TMPRSS13: variants seen among roughly 807,000 people sequenced by gnomAD.
The protein encoded by TMPRSS13 is transmembrane serine protease 13.
TMPRSS13 carries 50 observed loss-of-function variants against 68.4 expected under a neutral mutation model. The observed-to-expected ratio is 0.73, with a 90% CI of 0.58 to 0.93. The LOEUF (loss-of-function observed/expected upper bound fraction) is 0.93, where lower values mean the gene tolerates loss of function less well. Ranked by LOEUF, TMPRSS13 falls within the 40% of genes least tolerant of loss-of-function variation. The pLI is 0.00. For missense variants in TMPRSS13, 615 were observed against 729.2 expected (o/e 0.84, Z 1.80); for synonymous variants, 267 against 285.8 (o/e 0.93, Z 0.66).
At chr11:117,928,159 G>C (rs1489777932) in intron 1 of TMPRSS13, among the ~76,000 whole-genome samples, 2 of 152,210 alleles carry the variant, frequency 1.3e-5, no homozygotes, top group Non-Finnish European at 2.9e-5. Context: ...CTGTGACTAA[G>C]GGTTCACCTT....
chr11:117,905,520 A>G lies in TMPRSS13; in HGVS notation c.1381+118T>C, dbSNP rs190537678. ...CCCAGGCCCATGAATCCGTATACCC[A>G]AACGCTCATCGACATAGGCCTTCAT... On this transcript the variant is annotated intron_variant, in intron 10 of 12. Coordinates refer to ENST00000524993, the MANE Select transcript of TMPRSS13 (RefSeq NM_001077263.3). 67 of 802,380 alleles carry G rather than the reference A, an allele frequency of 8.4e-5. No homozygotes were observed. The East Asian group carries it at 2.1e-3, about 26-fold the overall frequency. The allele number at this position is 802,380 out of a possible 1,614,324, so 49.7% of individuals were successfully genotyped here. A position where few individuals can be genotyped will look rare whatever the true frequency, so the allele number is the denominator to read the frequency against.
In TMPRSS13 at chr11:117,917,967, G is replaced by A. The variant is rs577088202; in HGVS notation, c.451+442C>T. On this transcript the variant is annotated intron_variant, in intron 2 of 12. Transcript: ENST00000524993. ...AATTTGGAAGGCTGGGGATGGACTT[G>A]CACACCTGGTCAGAATCTCTCCTTT... 1.0e-3 allele frequency among the ~76,000 whole-genome samples: 159 copies of A among 152,244 alleles called. 1 individual carries two copies. Among genetic ancestry groups the A allele is most frequent in the African/African-American group, 3.7e-3 (155 of 41,552 alleles).
In TMPRSS13 at chr11:117,901,010, A is replaced by T. The variant is rs1025695303; in HGVS notation, c.*1229T>A. The T allele has an allele frequency of 6.6e-6, 1 of 152,286 alleles. No homozygotes were observed. Among genetic ancestry groups the T allele is most frequent in the Non-Finnish European group, 1.5e-5 (1 of 68,068 alleles). The allele number at this position is 152,286 out of a possible 1,614,324, so 9.4% of individuals were successfully genotyped here. On this transcript the variant is annotated 3_prime_UTR_variant, in exon 13 of 13. Transcript: ENST00000524993. ...TCCAGGCACGTTGATGATTTGCAGG[A>T]ACAGGGCCAACTTAGATCCTTCAGC...
rs559212987 is a variant in TMPRSS13, at chr11:117,903,986, G to C, written c.1497C>G (p.Asp499Glu). 6.2e-7 allele frequency: 1 copy of C among 1,613,030 alleles called. No homozygotes were observed. Among genetic ancestry groups the C allele is most frequent in the Non-Finnish European group, 8.5e-7 (1 of 1,179,572 alleles). The change falls in exon 11 of 13, where the codon GAC (aspartate) becomes GAG (glutamate). Residue 499 changes from aspartate (D) to glutamate (E), a missense_variant. Transcript: ENST00000524993. ...GGCAGGAGTCTCTGCCCCCACGAAG[G>C]TCCCCAGCACACATCATCCTTGGGG... is the stretch of plus-strand genomic sequence containing the variant. ...YLTPRMMCAG[D>E]LRGGRDSCQG...
chr11:117,927,716 G>A (rs12365956), intron 1 of TMPRSS13, among the ~76,000 whole-genome samples: 11,384 of 152,264 alleles, frequency 0.075, 606 homozygotes, highest in East Asian at 0.2. Flanking sequence ...TGCTGCAGAT[G>A]GGAATACGAG....
At chr11:117,923,438 G>A (rs1162217168) in intron 1 of TMPRSS13, among the ~76,000 whole-genome samples, 1 of 148,108 alleles carries the variant, frequency 6.8e-6, no homozygotes, top group Non-Finnish European at 1.5e-5. Context: ...GAGGGGGCCT[G>A]AGTGATGTGG....
chr11:117,909,920 G>C lies in TMPRSS13; in HGVS notation c.995C>G (p.Ala332Gly). The C allele has an allele frequency of 4.3e-6, 7 of 1,614,156 alleles. No individual in the cohort carries two copies. The highest frequency in any genetic ancestry group is 5.9e-6 in the Non-Finnish European group (7 of 1,180,022). ...TTGCCAAGGCCACTTGCTATCCGAG[G>C]CCAGCGCCCCTCCCACGATCCGCCC... is the stretch of plus-strand genomic sequence containing the variant. ...MTGRIVGGAL[A>G]SDSKWPWQVS... The change falls in exon 8 of 13, where the codon GCC (alanine) becomes GGC (glycine). Residue 332 changes from alanine (A) to glycine (G), a missense_variant. Physicochemically the swap from Ala to Gly is moderately conservative, Grantham distance 60 (BLOSUM62 0). Transcript: ENST00000524993.
At chr11:117,916,135 T>C (rs1348491195) in intron 3 of TMPRSS13, among the ~76,000 whole-genome samples, 2 of 152,126 alleles carry the variant, frequency 1.3e-5, no homozygotes, top group Non-Finnish European at 2.9e-5. Context: ...TCACCACTGG[T>C]GCTGCCTCTT....
chr11:117,907,460 A>G (rs118086761), intron 9 of TMPRSS13: 1,787 of 152,254 alleles, frequency 0.012, 23 homozygotes, highest in Non-Finnish European at 0.021. Flanking sequence ...CTCATGATAG[A>G]CACCGCCTCC....
At chr11:117,917,071 G>T (rs1591626068) in intron 3 of TMPRSS13, 99 bp downstream of exon 3, 5 of 963,254 alleles carry the variant, frequency 5.2e-6, no homozygotes, top group Middle Eastern at 2.5e-4. Context: ...GGGTGAGTGG[G>T]TGCTCCCCAC....
At chr11:117,913,384 A>C (rs1366754750) in intron 5 of TMPRSS13, among the ~76,000 whole-genome samples, 1 of 152,240 alleles carries the variant, frequency 6.6e-6, no homozygotes, top group Admixed American at 6.5e-5. Context: ...CTCAAAGTCC[A>C]TTGAAAGGCT....
rs374719457 is a variant in TMPRSS13, at chr11:117,918,778, C to T, written c.82G>A (p.Gly28Arg). 20 of 1,612,784 alleles carry T rather than the reference C, an allele frequency of 1.2e-5. No homozygotes were observed. In the East Asian group the frequency reaches 1.6e-4, roughly 13 times the overall value. The stretch of plus-strand genomic sequence containing the variant: ...GGAGATGCCCGGCCTGGAGGTGTCC[C>T]AGCTGGAGATGCCTGGGCTGGAGAT... ...GASPAQASPA[G>R]TPPGRASPAQ... The change falls in exon 2 of 13, where the codon GGG becomes AGG. Residue 28 changes from glycine to arginine, a missense_variant. Transcript: ENST00000524993.
chr11:117,918,312 G>T (rs747048102), intron 2 of TMPRSS13, 97 bp downstream of exon 2: 9 of 1,313,618 alleles, frequency 6.9e-6, no homozygotes, highest in Admixed American at 4.4e-5. Context: ...CCGCATCGTT[G>T]TCTGCTATGA....
At chr11:117,910,848 C>T in intron 6 of TMPRSS13, 98 bp from the exon 7 acceptor site, 3 of 1,119,088 alleles carry the variant, frequency 2.7e-6, no homozygotes, top group South Asian at 3.0e-5. Context: ...ATCCTGTTTC[C>T]AAGGAAGCTA....
intron 3 of TMPRSS13, among the ~76,000 whole-genome samples, chr11:117,916,137 C>T (rs755759799): frequency 5.9e-5 from 9 of 152,174 alleles, no homozygotes; most frequent in African/African-American, 9.7e-5. Flanking sequence ...ACCACTGGTG[C>T]TGCCTCTTTA....
chr11:117,908,308 G>T, intron 9 of TMPRSS13: 1 of 564,752 alleles, frequency 1.8e-6, no homozygotes, highest in Non-Finnish European at 3.1e-6. Context: ...GCCCCTAGGT[G>T]CTCAGTTAAT....
Position 117,914,580 on chromosome 11 carries a change from C to A in TMPRSS13, c.557-66G>T. The A allele has an allele frequency of 6.2e-7, 1 of 1,600,946 alleles. No individual in the cohort carries two copies. The highest frequency in any genetic ancestry group is 8.5e-7 in the Non-Finnish European group (1 of 1,175,836). ...CACTGAGATGAGACACTGAGCAGCC[C>A]AAGGACCTGGGGGTTCTGAGACACC... On this transcript the variant is annotated intron_variant, in intron 3 of 12. Transcript: ENST00000524993. The surrounding 1 kb of genome is among the most constrained non-coding windows in gnomAD (Gnocchi z 4.2).
chr11:117,905,696 G>T lies in TMPRSS13; in HGVS notation c.1323C>A (p.Thr441=). 6.2e-7 allele frequency: 1 copy of T among 1,606,338 alleles called. No individual in the cohort carries two copies. Among genetic ancestry groups the T allele is most frequent in the South Asian group, 1.1e-5 (1 of 89,422 alleles). ...HPACLPMHGQ[T]FSLNETCWIT... Reference sequence around the variant, plus strand: ...TCCAGCAGGTCTCATTGAGGCTAAAGGTCTGTCCATGCATGGGGAGGCAAG... The same window carrying T: ...TCCAGCAGGTCTCATTGAGGCTAAATGTCTGTCCATGCATGGGGAGGCAAG... The change falls in exon 10 of 13, where the codon ACC becomes ACA. Residue 441 remains threonine, a synonymous_variant. Transcript: ENST00000524993.
intron 1 of TMPRSS13, among the ~76,000 whole-genome samples, chr11:117,919,122 G>A (rs2057616877): frequency 6.6e-6 from 1 of 152,184 alleles, no homozygotes. Flanking sequence ...GGGGTCACCT[G>A]CTTAGGCTAC....
Sources: gnomAD v4.1 joint callset for allele counts (sites outside exome capture counted in the v4.1 genomes callset) on GRCh38, gnomAD v4.1.1 for gene constraint, Gnocchi (gnomAD v3.1) non-coding constraint, MANE v1.5 for transcripts, NCBI Gene and HGNC (gene_info 2026-07-23, HGNC 2026-07-21) for gene names.